IQCM: variants seen among roughly 807,000 people sequenced by gnomAD.
The protein encoded by IQCM is IQ motif containing M.
In IQCM, 45 loss-of-function variants were observed where a neutral mutation model predicts 57.6. The ratio of observed to expected loss-of-function variants is 0.78; its 90% CI spans 0.62 to 1.00. IQCM has a LOEUF of 1.00. Among genes scored for constraint, IQCM ranks in the 50% least tolerant of loss-of-function variants. IQCM has a pLI of 0.00. For synonymous variants in IQCM, 148 were observed against 158.9 expected (o/e 0.93, Z 0.51); for missense variants, 468 against 511.6 (o/e 0.91, Z 0.82).
chr4:149,354,384 A>AAAAAAAAAAC (rs1728810259), intron 13 of IQCM, among the ~76,000 whole-genome samples: 2 of 143,882 alleles, frequency 1.4e-5, no homozygotes, highest in African/African-American at 5.2e-5. Context: ...AAAAAAAAAA[A>AAAAAAAAAAC]AAAAACTGAC....
At chr4:149,463,765 A>G (rs887912845) in intron 12 of IQCM, among the ~76,000 whole-genome samples, 18 of 152,204 alleles carry the variant, frequency 1.2e-4, no homozygotes, top group Non-Finnish European at 2.4e-4. Flanking sequence ...ACTTAAAGCA[A>G]ATATGGTATT....
chr4:149,717,172 ACCCCAATT>A (rs925886499), intron 5 of IQCM, among the ~76,000 whole-genome samples: 1 of 152,170 alleles, frequency 6.6e-6, no homozygotes, highest in Non-Finnish European at 1.5e-5. Context: ...AGTTGTGGAA[ACCCCAATT>A]TATAGCCAGT....
At chr4:149,614,923 T>C (rs1467715305) in intron 8 of IQCM, among the ~76,000 whole-genome samples, 2 of 152,318 alleles carry the variant, frequency 1.3e-5, no homozygotes, top group African/African-American at 2.4e-5. Flanking sequence ...CAACATAGTA[T>C]GTTAGCCACT....
At chr4:149,472,283 C>G (rs1739654441) in intron 12 of IQCM, among the ~76,000 whole-genome samples, 1 of 152,148 alleles carries the variant, frequency 6.6e-6, no homozygotes, top group South Asian at 2.1e-4. Flanking sequence ...TCTCAGGATA[C>G]AAAATCAATG....
At chr4:149,769,091 AATT>A (rs1161212312) in intron 2 of IQCM, among the ~76,000 whole-genome samples, 2 of 152,204 alleles carry the variant, frequency 1.3e-5, no homozygotes, top group South Asian at 2.1e-4. Context: ...AGATATAAAA[AATT>A]ATTATTATAA....
intron 5 of IQCM, among the ~76,000 whole-genome samples, chr4:149,689,572 A>T (rs1288046474): frequency 1.3e-5 from 2 of 151,972 alleles, no homozygotes; most frequent in African/African-American, 4.8e-5. Flanking sequence ...TAAAAAGATA[A>T]ATATTTGGGA....
At chr4:149,674,911 G>A (rs188628265) in intron 7 of IQCM, among the ~76,000 whole-genome samples, 5 of 152,108 alleles carry the variant, frequency 3.3e-5, no homozygotes, top group Admixed American at 6.5e-5. Flanking sequence ...TGTAACCACC[G>A]GGAGCCTCAG....
chr4:149,664,436 G>GAGT (rs972941050), intron 7 of IQCM, among the ~76,000 whole-genome samples: 18 of 152,178 alleles, frequency 1.2e-4, no homozygotes, highest in Admixed American at 1.0e-3. Flanking sequence ...TAACTTTATG[G>GAGT]AGTAGCTTTT....
intron 13 of IQCM, among the ~76,000 whole-genome samples, chr4:149,370,543 TAC>T (rs1730294106): frequency 6.6e-6 from 1 of 150,560 alleles, no homozygotes; most frequent in Admixed American, 6.7e-5. Context: ...ATACACACTA[TAC>T]ACACACTATA....
At chr4:149,484,764 T>C (rs1180402319) in intron 12 of IQCM, among the ~76,000 whole-genome samples, 1 of 152,054 alleles carries the variant, frequency 6.6e-6, no homozygotes, top group East Asian at 1.9e-4. Flanking sequence ...TGTTATACTA[T>C]TCTGTTATTC....
At position 149,433,531 on chromosome 4, in the gene IQCM, T is replaced by C; in HGVS notation, c.1255A>G (p.Ile419Val). The change falls in exon 13 of 14, where the codon ATC (isoleucine) becomes GTC (valine). Residue 419 changes from isoleucine (I) to valine (V), a missense_variant. Coordinates refer to ENST00000636793, the MANE Select transcript of IQCM (RefSeq NM_001363507.2). ...QDGKEKYSEL[I>V]KKSKAIEMLF... ...ATTTCAATTGCTTTGGACTTTTTGA[T>C]TAGTTCAGAATATTTTTCTTTGCCA... 8.5e-7 allele frequency: 1 copy of C among 1,181,124 alleles called. No homozygotes were observed. 73.2% of individuals were successfully genotyped at this position (1,181,124 alleles called of 1,614,324 possible).
At chr4:149,666,846 C>A (rs1760774876) in intron 7 of IQCM, among the ~76,000 whole-genome samples, 2 of 152,140 alleles carry the variant, frequency 1.3e-5, no homozygotes, top group Admixed American at 1.3e-4. Context: ...CACAGCACCA[C>A]AAAGCCACTG....
At chr4:149,771,400 TA>T (rs1223796216) in intron 2 of IQCM, among the ~76,000 whole-genome samples, 2 of 152,106 alleles carry the variant, frequency 1.3e-5, no homozygotes, top group African/African-American at 4.8e-5. Flanking sequence ...GTGTCACGCT[TA>T]AATGTCATAT....
intron 7 of IQCM, among the ~76,000 whole-genome samples, chr4:149,642,529 T>C (rs1005491272): frequency 6.6e-6 from 1 of 152,182 alleles, no homozygotes; most frequent in Admixed American, 6.5e-5. Flanking sequence ...AAATAAGAGA[T>C]ATTCTGTGAT....
chr4:149,780,126 A>T (rs1231778820), intron 2 of IQCM: 1 of 152,190 alleles, frequency 6.6e-6, no homozygotes, highest in Non-Finnish European at 1.5e-5. Flanking sequence ...ACAATTAAAT[A>T]TTACAGCATA....
chr4:149,474,559 A>C (rs1739968808), intron 12 of IQCM, among the ~76,000 whole-genome samples: 1 of 151,210 alleles, frequency 6.6e-6, no homozygotes, highest in South Asian at 2.1e-4. Context: ...AATACAAAAA[A>C]AAAAAAAAAA....
chr4:149,594,580 C>T (rs1282052276), intron 8 of IQCM, among the ~76,000 whole-genome samples: 1 of 152,136 alleles, frequency 6.6e-6, no homozygotes, highest in African/African-American at 2.4e-5. Flanking sequence ...CCTGCTTTCC[C>T]TTGTGGGCAT....
At chr4:149,418,365 A>C (rs1173724087) in intron 13 of IQCM, among the ~76,000 whole-genome samples, 1 of 152,122 alleles carries the variant, frequency 6.6e-6, no homozygotes, top group Non-Finnish European at 1.5e-5. Flanking sequence ...TCCTGGACAC[A>C]TACACCCTCC....
intron 13 of IQCM, among the ~76,000 whole-genome samples, chr4:149,415,947 A>G (rs746804049): frequency 6.6e-6 from 1 of 152,118 alleles, no homozygotes; most frequent in Non-Finnish European, 1.5e-5. Context: ...GAGATACCTA[A>G]TGTAAATGAT....
Sources: allele counts gnomAD v4.1 joint callset (sites outside exome capture counted in the v4.1 genomes callset), GRCh38; gene constraint gnomAD v4.1.1; transcripts MANE v1.5; gene names NCBI Gene and HGNC (gene_info 2026-07-23, HGNC 2026-07-21).